Variants in ACOXL observed in about 807,000 individuals in gnomAD.
ACOXL encodes acyl-CoA oxidase like.
Under a neutral mutation model 71.9 loss-of-function variants are expected in ACOXL, and 70 were observed. The ratio of observed to expected loss-of-function variants is 0.97; its 90% confidence interval spans 0.80 to 1.19. The LOEUF (loss-of-function observed/expected upper bound fraction) is 1.19. Ranked by LOEUF, ACOXL falls within the 50% of genes most tolerant of loss-of-function variation. The probability of loss-of-function intolerance (pLI) is 0.00; values close to 1 mark genes in which losing one functional copy is unlikely to be tolerated. For missense variants in ACOXL, 703 were observed against 736.3 expected (o/e 0.95, Z 0.52); for synonymous variants, 253 against 281.6 (o/e 0.90, Z 1.02).
At chr2:111,050,622 T>C (rs1272143768) in intron 16 of ACOXL, among the ~76,000 whole-genome samples, 1 of 152,180 alleles carries the variant, frequency 6.6e-6, no homozygotes, top group Non-Finnish European at 1.5e-5. Context: ...TTCTCTCTTG[T>C]TCTTCTCCTA....
intron 16 of ACOXL, among the ~76,000 whole-genome samples, chr2:111,071,065 C>G (rs1458578903): frequency 6.6e-6 from 1 of 152,198 alleles, no homozygotes; most frequent in Non-Finnish European, 1.5e-5. Context: ...CTCCCCAGAG[C>G]ACTTGGCTAC....
chr2:111,033,274 T>G (rs1158565270), intron 15 of ACOXL, among the ~76,000 whole-genome samples: 2 of 152,198 alleles, frequency 1.3e-5, no homozygotes, highest in Non-Finnish European at 2.9e-5. Context: ...ACTCAACATT[T>G]TTAATGTATT....
At chr2:110,910,657 T>C (rs193119255) in intron 11 of ACOXL, among the ~76,000 whole-genome samples, 2 of 152,344 alleles carry the variant, frequency 1.3e-5, no homozygotes, top group Admixed American at 1.3e-4. Context: ...AGGCATGAAA[T>C]GTTGTCACAT....
intron 16 of ACOXL, among the ~76,000 whole-genome samples, chr2:111,068,848 T>C (rs1041566044): frequency 4.6e-5 from 7 of 152,196 alleles, no homozygotes; most frequent in Non-Finnish European, 7.3e-5. Flanking sequence ...ACTGCTGTCA[T>C]ATTTGATGAC....
At chr2:110,845,555 G>A (rs1167366059) in intron 10 of ACOXL, among the ~76,000 whole-genome samples, 4 of 152,146 alleles carry the variant, frequency 2.6e-5, no homozygotes, top group Non-Finnish European at 4.4e-5. Context: ...ATTGCAAACT[G>A]TAACTCCATA....
At chr2:110,858,602 G>A (rs1693560446) in intron 10 of ACOXL, among the ~76,000 whole-genome samples, 1 of 152,238 alleles carries the variant, frequency 6.6e-6, no homozygotes, top group Non-Finnish European at 1.5e-5. Context: ...AGCTGTGAGA[G>A]TGTCTGTATG....
At chr2:110,852,249 G>A (rs187416744) in intron 10 of ACOXL, among the ~76,000 whole-genome samples, 10 of 152,332 alleles carry the variant, frequency 6.6e-5, no homozygotes, top group East Asian at 3.9e-4. Flanking sequence ...CCTGAGGCTG[G>A]TGCCTACCCA....
chr2:111,113,389 T>A (rs912250340), intron 17 of ACOXL, among the ~76,000 whole-genome samples: 1 of 152,202 alleles, frequency 6.6e-6, no homozygotes, highest in South Asian at 2.1e-4. Context: ...CCAGGAAATG[T>A]CAGCATGGGG....
chr2:110,978,434 C>T (rs1046227603), intron 12 of ACOXL, among the ~76,000 whole-genome samples: 6 of 152,160 alleles, frequency 3.9e-5, no homozygotes, highest in African/African-American at 9.7e-5. Flanking sequence ...ACATTCAAAC[C>T]GTAGCAGAGA....
chr2:110,929,553 C>T (rs899240349), intron 11 of ACOXL, among the ~76,000 whole-genome samples: 8 of 152,208 alleles, frequency 5.3e-5, no homozygotes, highest in African/African-American at 1.9e-4. Flanking sequence ...AAGCCTGCTG[C>T]AGAAATTTGT....
At chr2:110,831,629 A>T (rs1012752752) in intron 9 of ACOXL, among the ~76,000 whole-genome samples, 3 of 152,240 alleles carry the variant, frequency 2.0e-5, no homozygotes, top group Non-Finnish European at 4.4e-5. Flanking sequence ...ATAGATAAAC[A>T]ATTCTGAAAA....
At chr2:111,038,127 A>G (rs147250719) in intron 15 of ACOXL, among the ~76,000 whole-genome samples, 1 of 152,234 alleles carries the variant, frequency 6.6e-6, no homozygotes, top group Non-Finnish European at 1.5e-5. Context: ...GGACAGAGCA[A>G]CTCTAATCCC....
At chr2:111,035,049 G>A (rs1374139610) in intron 15 of ACOXL, among the ~76,000 whole-genome samples, 1 of 151,600 alleles carries the variant, frequency 6.6e-6, no homozygotes, top group African/African-American at 2.4e-5. Context: ...TTGTATTTTA[G>A]TAGAGACGGG....
At chr2:111,018,095 T>C (rs2064548801) in intron 14 of ACOXL, 1 of 152,256 alleles carries the variant, frequency 6.6e-6, no homozygotes, top group African/African-American at 2.4e-5. Context: ...TAAACATTTT[T>C]ATTTTTGCTG....
rs189733059 is a variant in ACOXL, at chr2:110,802,362, C to A, written c.620+638C>A. On this transcript the variant is annotated intron_variant, in intron 8 of 17. Coordinates refer to ENST00000439055, the MANE Select transcript of ACOXL (RefSeq NM_001142807.4). ...GCTTTTCACAGAAGCTGAGAAACAC[C>A]AATTACTTTTAATTTTCTCAGCAGC... 1.1e-3 allele frequency among the ~76,000 whole-genome samples: 160 copies of A among 152,212 alleles called. 2 individuals carry two copies. The highest frequency in any genetic ancestry group is 3.7e-3 in the African/African-American group (153 of 41,518).
intron 10 of ACOXL, chr2:110,887,468 C>G (rs1473084623): frequency 6.6e-6 from 1 of 152,330 alleles, no homozygotes; most frequent in Non-Finnish European, 1.5e-5. Flanking sequence ...TTATTTTTAT[C>G]TTTAGAGACA....
intron 11 of ACOXL, among the ~76,000 whole-genome samples, chr2:110,909,693 A>G (rs1028960092): frequency 1.3e-5 from 2 of 151,108 alleles, no homozygotes; most frequent in Non-Finnish European, 2.9e-5. Flanking sequence ...AGCTAGTGCC[A>G]GGGTTTATAA....
chr2:111,018,931 C>A (rs1259204723), intron 14 of ACOXL, among the ~76,000 whole-genome samples: 1 of 152,218 alleles, frequency 6.6e-6, no homozygotes, highest in East Asian at 1.9e-4. Flanking sequence ...CATCACCTCC[C>A]ACTCACAGCC....
intron 14 of ACOXL, among the ~76,000 whole-genome samples, chr2:111,014,782 T>C (rs573309645): frequency 6.6e-6 from 1 of 152,276 alleles, no homozygotes; most frequent in Admixed American, 6.5e-5. Flanking sequence ...AGCAGAGAGA[T>C]CAATGGAACA....
Sources: gnomAD v4.1 joint callset for allele counts (sites outside exome capture counted in the v4.1 genomes callset) on GRCh38, gnomAD v4.1.1 for gene constraint, MANE v1.5 for transcripts, NCBI Gene and HGNC (gene_info 2026-07-23, HGNC 2026-07-21) for gene names.